Variants in ANO4 observed in about 807,000 individuals in gnomAD.
ANO4 encodes anoctamin 4, also known as anoctamin-4.
A neutral mutation model predicts 141.9 loss-of-function variants in ANO4; 69 were observed. The ratio of observed to expected loss-of-function variants is 0.49; its 90% confidence interval spans 0.40 to 0.59. ANO4 has a LOEUF of 0.59. ANO4 is among the 20% of genes least tolerant of loss of function. The probability of loss-of-function intolerance (pLI) is 0.00; values close to 1 mark genes in which losing one functional copy is unlikely to be tolerated. For synonymous variants in ANO4, 350 were observed against 394.3 expected (o/e 0.89, Z 1.33); for missense variants, 894 against 1,162.2 (o/e 0.77, Z 3.36).
intron 1 of ANO4, among the ~76,000 whole-genome samples, chr12:100,868,695 C>A (rs1593575140): frequency 6.6e-6 from 1 of 152,144 alleles, no homozygotes; most frequent in African/African-American, 2.4e-5. Flanking sequence ...TCCTCCTCCC[C>A]CTTGTGGGAG....
upstream of ANO4, among the ~76,000 whole-genome samples, chr12:100,791,107 G>GGT (rs1565877368): frequency 6.6e-6 from 1 of 152,176 alleles, no homozygotes; most frequent in Non-Finnish European, 1.5e-5. Context: ...GGCTGGGTGT[G>GGT]GTGGTTCATG....
chr12:100,961,436 C>T (rs1261559681), intron 5 of ANO4, among the ~76,000 whole-genome samples: 1 of 152,212 alleles, frequency 6.6e-6, no homozygotes, highest in East Asian at 1.9e-4. Context: ...GCCCTCTGAG[C>T]TCTGCCTTCC....
intron 15 of ANO4, among the ~76,000 whole-genome samples, chr12:101,079,924 C>T (rs1158050831): frequency 2.0e-5 from 3 of 152,172 alleles, no homozygotes; most frequent in Non-Finnish European, 2.9e-5. Flanking sequence ...CTATTCCTGT[C>T]GGAAGTCTGA....
At chr12:100,786,681 C>G (rs1446428986) in intron 3 of ANO4, among the ~76,000 whole-genome samples, 3 of 152,242 alleles carry the variant, frequency 2.0e-5, no homozygotes, top group African/African-American at 7.2e-5. Flanking sequence ...CTTTACTATC[C>G]CCAAGGTGCC....
chr12:100,752,597 A>G (rs532884487), intron 3 of ANO4, among the ~76,000 whole-genome samples: 9 of 152,188 alleles, frequency 5.9e-5, no homozygotes, highest in South Asian at 2.1e-4. Context: ...GGGTCACGCA[A>G]TCTTTTTTTA....
intron 1 of ANO4, among the ~76,000 whole-genome samples, chr12:100,801,256 T>C (rs938763633): frequency 8.5e-5 from 13 of 152,188 alleles, no homozygotes; most frequent in Admixed American, 6.5e-4. Flanking sequence ...CTAAAACCTA[T>C]GGTGCTGTCA....
intron 24 of ANO4, among the ~76,000 whole-genome samples, chr12:101,116,065 G>A (rs1222006897): frequency 6.6e-6 from 1 of 152,156 alleles, no homozygotes; most frequent in Non-Finnish European, 1.5e-5. Flanking sequence ...GAGATGTTGT[G>A]ACTGGAGTGA....
chr12:100,867,804 C>A (rs2135914574), intron 1 of ANO4, among the ~76,000 whole-genome samples: 1 of 152,246 alleles, frequency 6.6e-6, no homozygotes, highest in East Asian at 1.9e-4. Flanking sequence ...CTCTGCAATT[C>A]CTCCAGGTGT....
At chr12:100,888,091 G>GA (rs976344039) in intron 1 of ANO4, among the ~76,000 whole-genome samples, 48 of 152,200 alleles carry the variant, frequency 3.2e-4, no homozygotes, top group African/African-American at 1.1e-3. Flanking sequence ...AGCAGGGAGG[G>GA]AAAAAAAGAT....
chr12:100,989,975 A>G (rs896997196), intron 8 of ANO4, among the ~76,000 whole-genome samples: 15 of 131,854 alleles, frequency 1.1e-4, no homozygotes, highest in African/African-American at 4.1e-4. Flanking sequence ...ATAGGTCACC[A>G]GATGGATGGA....
intron 9 of ANO4, among the ~76,000 whole-genome samples, chr12:101,021,872 G>A (rs2046545088): frequency 6.6e-6 from 1 of 151,922 alleles, no homozygotes; most frequent in African/African-American, 2.4e-5. Flanking sequence ...TAATATCACT[G>A]TAAAAAATTA....
At chr12:100,952,568 T>G (rs755302927) in intron 5 of ANO4, among the ~76,000 whole-genome samples, 1 of 152,144 alleles carries the variant, frequency 6.6e-6, no homozygotes. Flanking sequence ...ACCTGGTAGA[T>G]GGCAAGAGAT....
chr12:100,861,313 A>G (rs530690207), intron 1 of ANO4, among the ~76,000 whole-genome samples: 7 of 152,306 alleles, frequency 4.6e-5, no homozygotes, highest in Non-Finnish European at 1.0e-4. Context: ...CCTAGATGGT[A>G]TAGCCTACTA....
intron 2 of ANO4, among the ~76,000 whole-genome samples, chr12:100,918,812 A>C (rs972606231): frequency 1.3e-5 from 2 of 152,210 alleles, no homozygotes; most frequent in Non-Finnish European, 2.9e-5. Context: ...CTGATTAAAA[A>C]AAAAAGTTAA....
At chr12:100,729,420 G>A (rs74416861) in intron 1 of ANO4, among the ~76,000 whole-genome samples, 7,659 of 143,424 alleles carry the variant, frequency 0.053, 269 homozygotes, top group Middle Eastern at 0.095. Context: ...GTTCTATGTG[G>A]TAGGTCCTGT....
At chr12:101,075,078 A>C (rs756660437) in intron 14 of ANO4, among the ~76,000 whole-genome samples, 1 of 152,168 alleles carries the variant, frequency 6.6e-6, no homozygotes, top group Non-Finnish European at 1.5e-5. Context: ...ACAACTCAGC[A>C]TGGGTGCACA....
chr12:101,117,925 C>T (rs1481471004), intron 25 of ANO4, among the ~76,000 whole-genome samples: 1 of 152,092 alleles, frequency 6.6e-6, no homozygotes, highest in Non-Finnish European at 1.5e-5. Flanking sequence ...CCCCTTTAAA[C>T]ACTCATGCCA....
At chr12:100,866,498 G>C (rs1197841188) in intron 1 of ANO4, among the ~76,000 whole-genome samples, 1 of 152,088 alleles carries the variant, frequency 6.6e-6, no homozygotes, top group African/African-American at 2.4e-5. Context: ...AGTGTTATTT[G>C]GTTCCAAGCA....
chr12:100,971,099 A>T (rs982846345), intron 5 of ANO4, among the ~76,000 whole-genome samples: 4 of 152,206 alleles, frequency 2.6e-5, no homozygotes, highest in Admixed American at 6.5e-5. Context: ...CCTTGTTTAC[A>T]GCTGGGTCTC....
Sources: allele counts gnomAD v4.1 joint callset (sites outside exome capture counted in the v4.1 genomes callset), GRCh38; gene constraint gnomAD v4.1.1; transcripts MANE v1.5; gene names NCBI Gene and HGNC (gene_info 2026-07-23, HGNC 2026-07-21).